Variants in SPATC1 observed in about 807,000 individuals in gnomAD.
SPATC1 encodes the protein speriolin.
SPATC1 carries 35 observed loss-of-function variants against 36.5 expected under a neutral mutation model. The observed-to-expected ratio is 0.96, with a 90% confidence interval of 0.73 to 1.27. The LOEUF is 1.27. Ranked by LOEUF, SPATC1 falls within the 50% of genes most tolerant of loss-of-function variation. The probability of loss-of-function intolerance (pLI) is 0.00; values close to 1 mark genes in which losing one functional copy is unlikely to be tolerated. For missense variants in SPATC1, 779 were observed against 796.0 expected (o/e 0.98, Z 0.26); for synonymous variants, 361 against 353.6 (o/e 1.02, Z -0.24).
intron 1 of SPATC1, among the ~76,000 whole-genome samples, chr8:144,021,038 G>A (rs1834514663): frequency 9.6e-3 from 1 of 104 alleles, no homozygotes; most frequent in African/African-American, 0.028. Context: ...TCCCCCATCA[G>A]GACTCTCATT....
chr8:144,040,043 C>A lies in SPATC1; in HGVS notation c.346C>A (p.Pro116Thr), dbSNP rs371931424. ...CGCCACACCGGGCTCACTCATGAGC[C>A]CCCTGACAGGCACCCTCAGCACGCT... ...PSATPGSLMS[P>T]LTGTLSTLLS... Residue 116 changes from proline to threonine, a missense_variant, in exon 2 of 5, where the codon CCC (proline) becomes ACC (threonine). Physicochemically the swap from Pro to Thr is conservative, Grantham distance 38 (BLOSUM62 -1). Transcript: ENST00000377470. 8.1e-6 allele frequency: 13 copies of A among 1,613,588 alleles called. No individual in the cohort carries two copies. The highest frequency in any genetic ancestry group is 1.1e-5 in the Non-Finnish European group (13 of 1,180,002).
At position 144,012,630 on chromosome 8, in the gene SPATC1, T is replaced by A; in HGVS notation, c.115T>A (p.Ser39Thr). 7 of 1,551,652 alleles carry A rather than the reference T, an allele frequency of 4.5e-6. No homozygotes were observed. Among genetic ancestry groups the A allele is most frequent in the Middle Eastern group, 3.3e-4 (2 of 5,992 alleles). The change falls in exon 1 of 5, where the codon TCA (serine) becomes ACA (threonine). Residue 39 changes from serine (S) to threonine (T), a missense_variant. Physicochemically the swap from Ser to Thr is moderately conservative, Grantham distance 58. Transcript: ENST00000377470. ...CATTCGGGAGAATCACGAGCTCAAG[T>A]CAGCGATCAAGACTCAGGCAGGCGG... ...RLIRENHELK[S>T]AIKTQAGGLG... is the part of the protein sequence containing the mutation.
rs1835044347 is a variant in SPATC1, at chr8:144,040,422, C to T, written c.725C>T (p.Pro242Leu). Residue 242 changes from proline (P) to leucine (L), a missense_variant, in exon 2 of 5, where the codon CCC becomes CTC. By Grantham distance (98) the Pro-to-Leu change is moderately conservative. Transcript: ENST00000377470. ...AEPLRGGPTG[P>L]QSPACVVPTA... The stretch of plus-strand genomic sequence containing the variant: ...CCACTCCGCGGAGGCCCCACTGGGC[C>T]CCAGTCCCCAGCTTGCGTGGTACCC... 6.2e-7 allele frequency: 1 copy of T among 1,608,096 alleles called. No homozygotes were observed. Among genetic ancestry groups the T allele is most frequent in the Non-Finnish European group, 8.5e-7 (1 of 1,177,964 alleles).
chr8:144,022,727 C>G (rs1352283822), intron 1 of SPATC1, among the ~76,000 whole-genome samples: 1 of 151,324 alleles, frequency 6.6e-6, no homozygotes, highest in Admixed American at 6.5e-5. Context: ...TGAGGAAACT[C>G]TCCCCTCAGG....
chr8:144,040,388 C>G lies in SPATC1; in HGVS notation c.691C>G (p.Leu231Val). ...CCTGCCAGAGGCCCCAAGGCTGCGG[C>G]TGGCTGAGCCACTCCGCGGAGGCCC... ...LVLPEAPRLRLAEPLRGGPTG... is the reference protein window; with the variant it reads ...LVLPEAPRLRVAEPLRGGPTG... The change falls in exon 2 of 5, where the codon CTG becomes GTG. Residue 231 changes from leucine (L) to valine (V), a missense_variant. By Grantham distance (32) the Leu-to-Val change is conservative. Transcript: ENST00000377470. 6.2e-7 allele frequency: 1 copy of G among 1,612,368 alleles called. No homozygotes were observed.
At chr8:144,027,399 T>G (rs924813956) in intron 1 of SPATC1, among the ~76,000 whole-genome samples, 8 of 152,232 alleles carry the variant, frequency 5.3e-5, no homozygotes, top group Non-Finnish European at 8.8e-5. Context: ...TTGGGTTGTC[T>G]TTTCACTTTC....
chr8:144,037,740 C>T (rs1834944305), intron 1 of SPATC1, among the ~76,000 whole-genome samples: 1 of 151,854 alleles, frequency 6.6e-6, no homozygotes, highest in Non-Finnish European at 1.5e-5. Flanking sequence ...CTGACCTTCC[C>T]TCCACTATTG....
At chr8:144,042,307 ATATATTTTTTTTTTTTTT>A (rs1835132121) in intron 4 of SPATC1, among the ~76,000 whole-genome samples, 1 of 49,460 alleles carries the variant, frequency 2.0e-5, no homozygotes, top group African/African-American at 1.4e-4. Context: ...ATATATATAT[ATATATTTTTTTTTTTTTT>A]TTTTTTTTTT....
intron 1 of SPATC1, among the ~76,000 whole-genome samples, chr8:144,027,754 A>G (rs1289224895): frequency 6.6e-6 from 1 of 152,188 alleles, no homozygotes; most frequent in Non-Finnish European, 1.5e-5. Flanking sequence ...GAAATTTGGG[A>G]TGCCAAGACA....
intron 4 of SPATC1, chr8:144,042,024 T>C (rs1396671913): frequency 1.0e-6 from 1 of 984,768 alleles, no homozygotes; most frequent in African/African-American, 1.8e-5. Flanking sequence ...TGAGCTGAGA[T>C]TGAGCCATTA....
At chr8:144,037,492 G>A (rs188366590) in intron 1 of SPATC1, among the ~76,000 whole-genome samples, 1 of 152,236 alleles carries the variant, frequency 6.6e-6, no homozygotes, top group African/African-American at 2.4e-5. Flanking sequence ...TTATCCTGTT[G>A]ATCTGTGACC....
chr8:144,018,895 A>AT (rs1196527080), intron 1 of SPATC1, among the ~76,000 whole-genome samples: 1 of 149,934 alleles, frequency 6.7e-6, no homozygotes, highest in African/African-American at 2.4e-5. Flanking sequence ...AAAAAAAAAA[A>AT]AGCAGGCATG....
intron 4 of SPATC1, among the ~76,000 whole-genome samples, chr8:144,044,710 G>A (rs1554756539): frequency 6.6e-6 from 1 of 151,810 alleles, no homozygotes; most frequent in African/African-American, 2.4e-5. Context: ...ACTGTGGGAG[G>A]CCGAGGCGGG....
At chr8:144,033,323 G>A (rs1834835250) in intron 1 of SPATC1, among the ~76,000 whole-genome samples, 2 of 152,162 alleles carry the variant, frequency 1.3e-5, no homozygotes, top group Middle Eastern at 3.4e-3. Flanking sequence ...GTTTGAACCC[G>A]GGAGGAGGAG....
At chr8:144,032,764 C>T (rs953187491) in intron 1 of SPATC1, among the ~76,000 whole-genome samples, 3 of 152,066 alleles carry the variant, frequency 2.0e-5, no homozygotes, top group South Asian at 2.1e-4. Context: ...ATTGCTCCCC[C>T]TCATGCGAGC....
Position 144,047,039 on chromosome 8 carries a change from G to A in SPATC1, c.*83G>A. 6.7e-7 allele frequency: 1 copy of A among 1,489,036 alleles called. No homozygotes were observed. The highest frequency in any genetic ancestry group is 9.0e-7 in the Non-Finnish European group (1 of 1,113,340). 92.2% of individuals were successfully genotyped at this position (1,489,036 alleles called of 1,614,324 possible). On this transcript the variant is annotated 3_prime_UTR_variant, in exon 5 of 5. Coordinates refer to ENST00000377470, the MANE Select transcript of SPATC1 (RefSeq NM_198572.3). The surrounding 1 kb of genome is among the most constrained non-coding windows in gnomAD (Gnocchi z 4.1). ...AAGCTTCCCACAGACACTGGTCGCTGGGCCTGTGCCAGCGCTCCTGGGTGG... is the reference window on the plus strand; with the variant it reads ...AAGCTTCCCACAGACACTGGTCGCTAGGCCTGTGCCAGCGCTCCTGGGTGG...
At chr8:144,042,954 A>C (rs1240965260) in intron 4 of SPATC1, among the ~76,000 whole-genome samples, 1 of 150,698 alleles carries the variant, frequency 6.6e-6, no homozygotes, top group Admixed American at 6.6e-5. Flanking sequence ...CCTCTCTGCT[A>C]ACTGGGACTA....
chr8:144,018,523 G>A (rs939485489), intron 1 of SPATC1, among the ~76,000 whole-genome samples: 4 of 152,118 alleles, frequency 2.6e-5, no homozygotes, highest in Admixed American at 2.0e-4. Flanking sequence ...TGGAAAATAC[G>A]CAAGATAAAA....
In SPATC1 at chr8:144,012,441, C is replaced by G; in HGVS notation, c.-75C>G. ...ACTCTGCACCCTCCTTCAGCCCAGG[C>G]AAGGCCTGGGGCCCTGGGCAGCCTC... On this transcript the variant is annotated 5_prime_UTR_variant, in exon 1 of 5. Coordinates refer to ENST00000377470, the MANE Select transcript of SPATC1 (RefSeq NM_198572.3). The G allele has an allele frequency of 7.4e-7, 1 of 1,354,168 alleles. No individual in the cohort carries two copies. The highest frequency in any genetic ancestry group is 1.3e-5 in the South Asian group (1 of 79,266). 83.9% of individuals were successfully genotyped at this position (1,354,168 alleles called of 1,614,324 possible).
Sources: allele counts gnomAD v4.1 joint callset (sites outside exome capture counted in the v4.1 genomes callset), GRCh38; gene constraint gnomAD v4.1.1; non-coding constraint Gnocchi (gnomAD v3.1); transcripts MANE v1.5; gene names NCBI Gene and HGNC (gene_info 2026-07-23, HGNC 2026-07-21).